CACNA1E: variants seen among roughly 807,000 people sequenced by gnomAD.
CACNA1E encodes the protein voltage-dependent R-type calcium channel subunit alpha-1E.
In CACNA1E, 40 loss-of-function variants were observed where a neutral mutation model predicts 259.2. That is an observed-to-expected ratio of 0.15 (90% CI 0.12 to 0.20). The LOEUF (loss-of-function observed/expected upper bound fraction) is 0.20. Ranked by LOEUF, CACNA1E falls within the 10% of genes least tolerant of loss-of-function variation. The pLI is 1.00. For missense variants in CACNA1E, 1,874 were observed against 3,040.1 expected, an observed-to-expected ratio of 0.62 and a Z score of 9.02; for synonymous variants, 1,104 against 1,138.5, an observed-to-expected ratio of 0.97 and a Z score of 0.61.
At chr1:181,500,826 A>C (rs560675316) in intron 1 of CACNA1E, among the ~76,000 whole-genome samples, 19 of 152,330 alleles carry the variant, frequency 1.2e-4, no homozygotes, top group African/African-American at 4.3e-4. Context: ...AGAGGAAAAC[A>C]AACATTCTCC....
intron 1 of CACNA1E, among the ~76,000 whole-genome samples, chr1:181,397,939 C>A (rs1656812482): frequency 6.6e-6 from 1 of 152,228 alleles, no homozygotes; most frequent in Admixed American, 6.5e-5. Context: ...GTGGCCATCG[C>A]CTTTTTGCAG....
intron 1 of CACNA1E, among the ~76,000 whole-genome samples, chr1:181,379,608 G>A (rs893859380): frequency 2.0e-5 from 3 of 152,124 alleles, no homozygotes; most frequent in Admixed American, 2.0e-4. Context: ...TATAGACAGT[G>A]CCCTTTTCAG....
At chr1:181,438,997 A>G (rs1441608234) in intron 2 of CACNA1E, among the ~76,000 whole-genome samples, 1 of 152,258 alleles carries the variant, frequency 6.6e-6, no homozygotes, top group Non-Finnish European at 1.5e-5. Context: ...CTAAACACAT[A>G]TAGCAGCATG....
chr1:181,371,825 C>T (rs1654728922), intron 1 of CACNA1E, among the ~76,000 whole-genome samples: 2 of 152,214 alleles, frequency 1.3e-5, no homozygotes, highest in Non-Finnish European at 2.9e-5. Flanking sequence ...TATCCCAGCA[C>T]CACTTATTGA....
chr1:181,573,351 G>A (rs971779825), intron 3 of CACNA1E, among the ~76,000 whole-genome samples: 1 of 152,134 alleles, frequency 6.6e-6, no homozygotes, highest in African/African-American at 2.4e-5. Flanking sequence ...TGAGAATCAA[G>A]GGCCATTTTC....
At position 181,726,223 on chromosome 1, in the gene CACNA1E, C is replaced by T; in HGVS notation, c.2240+61C>T. 3 of 1,168,850 alleles carry T rather than the reference C, an allele frequency of 2.6e-6. No homozygotes were observed. In the South Asian group the frequency reaches 3.9e-5, roughly 15 times the overall value. The allele number at this position is 1,168,850 out of a possible 1,614,324, so 72.4% of individuals were successfully genotyped here. ...CCTGTGCTAACAGCCAATTCATCAA[C>T]TCACAGAACTATTGGTTATAGGAGT... On this transcript the variant is annotated intron_variant, in intron 18 of 47. Coordinates refer to ENST00000367573, the MANE Select transcript of CACNA1E (RefSeq NM_001205293.3).
At chr1:181,414,592 T>G (rs1237436735) in intron 2 of CACNA1E, among the ~76,000 whole-genome samples, 1 of 152,212 alleles carries the variant, frequency 6.6e-6, no homozygotes, top group Non-Finnish European at 1.5e-5. Context: ...TGTTCATCTC[T>G]CAGCACTATT....
intron 3 of CACNA1E, among the ~76,000 whole-genome samples, chr1:181,545,029 G>A (rs1246489590): frequency 3.3e-5 from 5 of 152,152 alleles, no homozygotes; most frequent in Non-Finnish European, 5.9e-5. Flanking sequence ...TAAGGAATCT[G>A]CCTGTTTAGC....
intron 6 of CACNA1E, among the ~76,000 whole-genome samples, chr1:181,597,006 A>C (rs1653241151): frequency 1.3e-5 from 2 of 152,094 alleles, no homozygotes; most frequent in Non-Finnish European, 2.9e-5. Flanking sequence ...TGCAGATTGC[A>C]AGTGGGGGTG....
intron 1 of CACNA1E, among the ~76,000 whole-genome samples, chr1:181,324,213 T>C (rs1369498280): frequency 6.6e-6 from 1 of 152,132 alleles, no homozygotes; most frequent in Admixed American, 6.5e-5. Context: ...ATTTATATTA[T>C]ATTGTAGGAA....
intron 1 of CACNA1E, among the ~76,000 whole-genome samples, chr1:181,350,627 C>G (rs1216820515): frequency 1.3e-5 from 2 of 152,100 alleles, no homozygotes; most frequent in Non-Finnish European, 2.9e-5. Flanking sequence ...AACCTTGACC[C>G]CTGGGGGTCA....
intron 2 of CACNA1E, among the ~76,000 whole-genome samples, chr1:181,427,100 A>G (rs1659335321): frequency 6.8e-6 from 1 of 147,256 alleles, no homozygotes; most frequent in Admixed American, 6.8e-5. Context: ...CAACCCCTTC[A>G]CAACTCAACC....
upstream of CACNA1E, among the ~76,000 whole-genome samples, chr1:181,482,293 C>T (rs1455800422): frequency 6.6e-6 from 1 of 152,230 alleles, no homozygotes; most frequent in Non-Finnish European, 1.5e-5. Flanking sequence ...CTCCCGGCAC[C>T]GAACAGGGCA....
chr1:181,481,299 A>G (rs1442468569), upstream of CACNA1E, among the ~76,000 whole-genome samples: 1 of 151,992 alleles, frequency 6.6e-6, no homozygotes, highest in African/African-American at 2.4e-5. Context: ...GGACATGTTG[A>G]GACCATTCCT....
chr1:181,712,230 C>A (rs773034000), intron 8 of CACNA1E, among the ~76,000 whole-genome samples: 1 of 152,120 alleles, frequency 6.6e-6, no homozygotes, highest in Non-Finnish European at 1.5e-5. Context: ...ATAAAAGGGA[C>A]GGGTTTGCTT....
chr1:181,346,895 A>C (rs959747691), intron 1 of CACNA1E, among the ~76,000 whole-genome samples: 23 of 152,076 alleles, frequency 1.5e-4, no homozygotes, highest in African/African-American at 5.6e-4. Context: ...TATGGAAGCA[A>C]ACCCCGGGTG....
At chr1:181,605,316 G>T (rs559204434) in intron 6 of CACNA1E, among the ~76,000 whole-genome samples, 1 of 151,746 alleles carries the variant, frequency 6.6e-6, no homozygotes, top group Non-Finnish European at 1.5e-5. Flanking sequence ...AAAAAGGGGA[G>T]GGTGGGGTGG....
chr1:181,388,923 G>A (rs1313351827), intron 1 of CACNA1E, among the ~76,000 whole-genome samples: 2 of 152,018 alleles, frequency 1.3e-5, no homozygotes, highest in African/African-American at 4.8e-5. Flanking sequence ...GATCTTATGG[G>A]AGCATCGTTG....
chr1:181,792,800 TTATGCAATGATAC>T (rs1400086223), intron 44 of CACNA1E, among the ~76,000 whole-genome samples: 2 of 152,214 alleles, frequency 1.3e-5, no homozygotes, highest in Non-Finnish European at 2.9e-5. Context: ...ATACAGCTCT[TTATGCAATGATAC>T]TAGCTATCTG....
Sources: gnomAD v4.1 joint callset for allele counts (sites outside exome capture counted in the v4.1 genomes callset) on GRCh38, gnomAD v4.1.1 for gene constraint, MANE v1.5 for transcripts, NCBI Gene and HGNC (gene_info 2026-07-23, HGNC 2026-07-21) for gene names.